Variants in CCDC178 observed in about 807,000 individuals in gnomAD.
CCDC178 encodes coiled-coil domain containing 178, also known as coiled-coil domain-containing protein 178.
A neutral mutation model predicts 117.4 loss-of-function variants in CCDC178; 126 were observed. That is an observed-to-expected ratio of 1.07 (90% CI 0.93 to 1.24). CCDC178 has a LOEUF of 1.24. Ranked by LOEUF, CCDC178 falls within the 50% of genes most tolerant of loss-of-function variation. CCDC178 has a pLI of 0.00. For missense variants in CCDC178, 1,030 were observed against 986.9 expected (o/e 1.04, Z -0.59); for synonymous variants, 283 against 313.4 (o/e 0.90, Z 1.02).
At chr18:33,383,562 C>T (rs1022626184) in intron 5 of CCDC178, among the ~76,000 whole-genome samples, 2 of 152,010 alleles carry the variant, frequency 1.3e-5, no homozygotes, top group Non-Finnish European at 2.9e-5. Flanking sequence ...ACTGGTGCTA[C>T]CCAGGCAAAC....
At chr18:33,188,017 C>T (rs544190717) in intron 20 of CCDC178, among the ~76,000 whole-genome samples, 5 of 152,138 alleles carry the variant, frequency 3.3e-5, no homozygotes, top group South Asian at 2.1e-4. Context: ...TTCAAGAGCT[C>T]GGTTATTCTT....
At chr18:33,244,325 T>A (rs2059522008) in intron 15 of CCDC178, among the ~76,000 whole-genome samples, 2 of 151,908 alleles carry the variant, frequency 1.3e-5, no homozygotes, top group South Asian at 4.1e-4. Context: ...CCTGTTGAAG[T>A]GGCCCTGCAG....
intron 21 of CCDC178, among the ~76,000 whole-genome samples, chr18:33,021,019 G>T (rs2056106136): frequency 3.3e-5 from 5 of 152,136 alleles, no homozygotes; most frequent in Admixed American, 3.3e-4. Flanking sequence ...TCTCACGTAG[G>T]ATTCAGAGAC....
At chr18:32,972,068 G>T (rs1350198028) in intron 22 of CCDC178, among the ~76,000 whole-genome samples, 1 of 151,966 alleles carries the variant, frequency 6.6e-6, no homozygotes, top group Non-Finnish European at 1.5e-5. Context: ...AATTGGTTTT[G>T]GTGTTTTAGT....
chr18:32,948,297 C>T (rs2054401650), intron 22 of CCDC178, among the ~76,000 whole-genome samples: 1 of 152,070 alleles, frequency 6.6e-6, no homozygotes, highest in African/African-American at 2.4e-5. Flanking sequence ...GTAAAACTGG[C>T]ACTTTAACAA....
chr18:33,290,655 T>C (rs972775637), intron 12 of CCDC178, among the ~76,000 whole-genome samples: 76 of 152,064 alleles, frequency 5.0e-4, no homozygotes, highest in African/African-American at 1.7e-3. Context: ...AGCCTAGAAC[T>C]CAAAAGAAAA....
At chr18:33,375,547 T>C (rs2063353128) in intron 5 of CCDC178, among the ~76,000 whole-genome samples, 1 of 152,104 alleles carries the variant, frequency 6.6e-6, no homozygotes, top group African/African-American at 2.4e-5. Flanking sequence ...AAAACTAAAA[T>C]GTACCCATTG....
chr18:33,333,131 C>A, intron 10 of CCDC178, 43 bp downstream of exon 10: 3 of 1,206,310 alleles, frequency 2.5e-6, no homozygotes, highest in Non-Finnish European at 3.5e-6. Context: ...TTTTGCATAA[C>A]TAAGTAATAA....
chr18:33,269,755 A>C (rs1328397575), intron 12 of CCDC178, among the ~76,000 whole-genome samples: 1 of 151,842 alleles, frequency 6.6e-6, no homozygotes, highest in Non-Finnish European at 1.5e-5. Flanking sequence ...CAGCAACAGG[A>C]ACAAATCCTG....
At chr18:33,124,662 TTACTGAAGGATAA>T (rs2057981976) in intron 20 of CCDC178, among the ~76,000 whole-genome samples, 1 of 152,210 alleles carries the variant, frequency 6.6e-6, no homozygotes, top group South Asian at 2.1e-4. Context: ...CAGTGGTGAT[TTACTGAAGGATAA>T]TACTGAAGGA....
chr18:33,244,847 T>C (rs369531940), intron 15 of CCDC178, among the ~76,000 whole-genome samples: 83 of 151,984 alleles, frequency 5.5e-4, no homozygotes, highest in African/African-American at 1.9e-3. Flanking sequence ...ATTCAACAAC[T>C]CATAGGCCTA....
At chr18:33,167,473 T>C (rs1426760722) in intron 20 of CCDC178, among the ~76,000 whole-genome samples, 1 of 152,212 alleles carries the variant, frequency 6.6e-6, no homozygotes, top group African/African-American at 2.4e-5. Flanking sequence ...TATGAGACAG[T>C]ATTTCATTGT....
intron 20 of CCDC178, among the ~76,000 whole-genome samples, chr18:33,166,867 T>C (rs1179816899): frequency 6.6e-6 from 1 of 152,162 alleles, no homozygotes; most frequent in Non-Finnish European, 1.5e-5. Context: ...GAAGAGATTA[T>C]TTTGTTACTC....
chr18:33,169,448 G>T (rs2058571686), intron 20 of CCDC178, among the ~76,000 whole-genome samples: 1 of 152,072 alleles, frequency 6.6e-6, no homozygotes, highest in Admixed American at 6.6e-5. Context: ...TCTATAACCA[G>T]GAGGCAAAGG....
intron 2 of CCDC178, among the ~76,000 whole-genome samples, chr18:33,435,990 T>C (rs1369908823): frequency 6.6e-6 from 1 of 152,096 alleles, no homozygotes; most frequent in African/African-American, 2.4e-5. Context: ...GTGTGTCCAA[T>C]ATTCATGAGA....
At chr18:32,988,724 C>T (rs1408150267) in intron 21 of CCDC178, among the ~76,000 whole-genome samples, 1 of 151,748 alleles carries the variant, frequency 6.6e-6, no homozygotes, top group African/African-American at 2.4e-5. Flanking sequence ...ATAAACTATG[C>T]AAACTTCCAC....
chr18:33,047,134 A>C (rs2144913578), intron 21 of CCDC178, among the ~76,000 whole-genome samples: 1 of 152,314 alleles, frequency 6.6e-6, no homozygotes, highest in Admixed American at 6.5e-5. Flanking sequence ...TACTTTAAAA[A>C]ATTCAACTGA....
At chr18:33,072,615 G>A (rs539866999) in intron 21 of CCDC178, among the ~76,000 whole-genome samples, 3 of 152,220 alleles carry the variant, frequency 2.0e-5, no homozygotes, top group Admixed American at 2.0e-4. Flanking sequence ...AGAATAAAAT[G>A]TCTTCATTAT....
At chr18:33,142,805 T>G (rs2058222791) in intron 20 of CCDC178, among the ~76,000 whole-genome samples, 1 of 152,162 alleles carries the variant, frequency 6.6e-6, no homozygotes, top group Admixed American at 6.5e-5. Context: ...AATATCTAAA[T>G]ATTAGGCTGA....
Sources: allele counts gnomAD v4.1 joint callset (sites outside exome capture counted in the v4.1 genomes callset), GRCh38; gene constraint gnomAD v4.1.1; transcripts MANE v1.5; gene names NCBI Gene and HGNC (gene_info 2026-07-23, HGNC 2026-07-21).